LRCH1: variants seen among roughly 807,000 people sequenced by gnomAD.
LRCH1 encodes leucine-rich repeat and calponin homology domain-containing protein 1.
LRCH1 carries 23 observed loss-of-function variants against 94.9 expected under a neutral mutation model. The ratio of observed to expected loss-of-function variants is 0.24; its 90% CI spans 0.17 to 0.34. The LOEUF (loss-of-function observed/expected upper bound fraction) is 0.34, where lower values mean the gene tolerates loss of function less well. LRCH1 is among the 10% of genes least tolerant of loss of function. The pLI, the probability that LRCH1 is intolerant of heterozygous loss-of-function variation, is 1.00. For synonymous variants in LRCH1, 364 were observed against 354.9 expected (o/e 1.03, Z -0.29); for missense variants, 790 against 945.9 (o/e 0.84, Z 2.16).
At chr13:46,715,695 T>C in intron 16 of LRCH1, 31 bp downstream of exon 16, 1 of 1,352,374 alleles carries the variant, frequency 7.4e-7, no homozygotes, top group Non-Finnish European at 1.0e-6. Context: ...TCTCCAATGT[T>C]CTCATTAATA....
rs186928835 is a variant in LRCH1, at chr13:46,690,339, A to C, written c.1014+1143A>C. Among the ~76,000 whole-genome samples, 84 of 152,224 alleles carry C rather than the reference A, an allele frequency of 5.5e-4. No individual in the cohort carries two copies. The East Asian group carries it at 0.011, about 20-fold the overall frequency. ...GTGGGAGAGAGGGGATACTAAACAC[A>C]TTGCTTTAGTTGCATTTTAATTCAT... On this transcript the variant is annotated intron_variant, in intron 7 of 19. Coordinates refer to ENST00000389797, the MANE Select transcript of LRCH1 (RefSeq NM_001164211.2).
intron 17 of LRCH1, among the ~76,000 whole-genome samples, chr13:46,728,626 C>T (rs1872946280): frequency 6.6e-6 from 1 of 152,166 alleles, no homozygotes; most frequent in East Asian, 1.9e-4. Flanking sequence ...TCCATTCATT[C>T]TATTAAATAA....
intron 19 of LRCH1, among the ~76,000 whole-genome samples, chr13:46,734,861 A>G (rs1370355075): frequency 3.9e-5 from 6 of 152,216 alleles, no homozygotes; most frequent in Non-Finnish European, 8.8e-5. Context: ...TACATGCGAT[A>G]CTGTTTTGAG....
chr13:46,654,703 A>C (rs945424446), intron 2 of LRCH1, among the ~76,000 whole-genome samples: 1 of 152,226 alleles, frequency 6.6e-6, no homozygotes, highest in Non-Finnish European at 1.5e-5. Flanking sequence ...TTGAGCTCAC[A>C]CTTAAGGTAG....
intron 3 of LRCH1, among the ~76,000 whole-genome samples, chr13:46,677,695 CATG>C (rs1165975667): frequency 6.6e-6 from 1 of 152,168 alleles, no homozygotes; most frequent in Non-Finnish European, 1.5e-5. Context: ...TACCTAAAAA[CATG>C]ATGACCAGTG....
rs192481546 is a variant in LRCH1 at position 46,664,363 on chromosome 13, A to G, written c.453-4667A>G. 1.6e-4 allele frequency among the ~76,000 whole-genome samples: 25 copies of G among 152,378 alleles called. No homozygotes were observed. In the East Asian group the frequency reaches 4.4e-3, roughly 27 times the overall value. ...TATGGCGTAGTGACATAGGCGTTGT[A>G]GCCACATCTTAACATCTGAGCATAA... is the stretch of plus-strand genomic sequence containing the variant. On this transcript the variant is annotated intron_variant, in intron 2 of 19. Coordinates refer to ENST00000389797, the MANE Select transcript of LRCH1 (RefSeq NM_001164211.2).
intron 3 of LRCH1, among the ~76,000 whole-genome samples, chr13:46,677,331 AG>A (rs1478903458): frequency 6.6e-6 from 1 of 150,772 alleles, no homozygotes; most frequent in Middle Eastern, 3.2e-3. Context: ...TGGGAGACTG[AG>A]GCGGGAGAAT....
intron 1 of LRCH1, among the ~76,000 whole-genome samples, chr13:46,569,999 G>A (rs778323169): frequency 1.3e-5 from 2 of 152,064 alleles, no homozygotes; most frequent in Non-Finnish European, 2.9e-5. Context: ...GATTGAGTTG[G>A]TCCTTAATTG....
chr13:46,664,692 C>T (rs1234914929), intron 2 of LRCH1, among the ~76,000 whole-genome samples: 2 of 152,180 alleles, frequency 1.3e-5, no homozygotes, highest in African/African-American at 2.4e-5. Context: ...ATGGTCACCT[C>T]CTCGCTGCTT....
At chr13:46,632,285 G>C (rs1344988357) in intron 1 of LRCH1, among the ~76,000 whole-genome samples, 1 of 151,992 alleles carries the variant, frequency 6.6e-6, no homozygotes, top group African/African-American at 2.4e-5. Context: ...AATAATAGTT[G>C]ATGGCCATGA....
rs184463695 is a variant in LRCH1 at position 46,723,260 on chromosome 13, C to T, written c.1799C>T (p.Pro600Leu). The T allele has an allele frequency of 2.9e-5, 46 of 1,613,660 alleles. No individual in the cohort carries two copies. The highest frequency in any genetic ancestry group is 3.3e-5 in the Non-Finnish European group (39 of 1,179,726). Residue 600 changes from proline to leucine, a missense_variant, in exon 17 of 20, where the codon CCG becomes CTG. Around this residue, in one of 3 missense-constraint regions of LRCH1, gnomAD observed 460 missense variants for 508.9 expected, o/e 0.90. Transcript: ENST00000389797. ...RPQRNLESIDPQFTIRRKMEQ... is the reference protein window; with the variant it reads ...RPQRNLESIDLQFTIRRKMEQ... ...CAGAGAAATTTGGAATCTATAGACC[C>T]GCAGTTTACAATCCGGAGGAAAATG...
At chr13:46,641,519 T>A (rs2051157401) in intron 1 of LRCH1, among the ~76,000 whole-genome samples, 2 of 152,214 alleles carry the variant, frequency 1.3e-5, no homozygotes, top group Admixed American at 1.3e-4. Context: ...AAAGTAAATT[T>A]CCACGATAAC....
chr13:46,639,692 C>T (rs928946572), intron 1 of LRCH1, among the ~76,000 whole-genome samples: 4 of 152,120 alleles, frequency 2.6e-5, no homozygotes, highest in Non-Finnish European at 5.9e-5. Context: ...GAAGATGGTC[C>T]GACACACACC....
Position 46,601,064 on chromosome 13 carries a change from A to G in LRCH1, c.307+47361A>G, listed in dbSNP as rs535217235. Among the ~76,000 whole-genome samples, 4 of 152,364 alleles carry G rather than the reference A, an allele frequency of 2.6e-5. No homozygotes were observed. The South Asian group carries it at 8.3e-4, about 32-fold the overall frequency. On this transcript the variant is annotated intron_variant, in intron 1 of 19. Transcript: ENST00000389797. ...GGAACTCAGCAGTATGGGAATCACA[A>G]GCCAACCCACCCTATCCGTTAAAGG...
chr13:46,559,939 A>G (rs9567703), intron 1 of LRCH1, among the ~76,000 whole-genome samples: 30,977 of 152,004 alleles, frequency 0.2, 4,965 homozygotes, highest in African/African-American at 0.45. Flanking sequence ...TGGCATAATA[A>G]CTCTTTGTAA....
At chr13:46,596,444 A>G (rs751060744) in intron 1 of LRCH1, among the ~76,000 whole-genome samples, 1 of 152,238 alleles carries the variant, frequency 6.6e-6, no homozygotes, top group Non-Finnish European at 1.5e-5. Flanking sequence ...TATGTCTGTC[A>G]GATGTTTCCA....
At chr13:46,560,210 C>T (rs1335817485) in intron 1 of LRCH1, among the ~76,000 whole-genome samples, 1 of 145,278 alleles carries the variant, frequency 6.9e-6, no homozygotes, top group Non-Finnish European at 1.5e-5. Context: ...CATAATTTCC[C>T]TTCAGGTGTG....
At position 46,629,105 on chromosome 13, in the gene LRCH1, T is replaced by A. The variant is rs575394595; in HGVS notation, c.308-21096T>A. On this transcript the variant is annotated intron_variant, in intron 1 of 19. Coordinates refer to ENST00000389797, the MANE Select transcript of LRCH1 (RefSeq NM_001164211.2). ...GCCTTTCCCAAGAACTTTAATGCCA[T>A]CTTCCTAGCAAGCTATAGAAAACAT... Among the ~76,000 whole-genome samples, 12 of 152,310 alleles carry A rather than the reference T, an allele frequency of 7.9e-5. No homozygotes were observed. The South Asian group carries it at 2.1e-3, about 26-fold the overall frequency.
chr13:46,665,812 T>C (rs1384160601), intron 2 of LRCH1, among the ~76,000 whole-genome samples: 1 of 152,186 alleles, frequency 6.6e-6, no homozygotes, highest in African/African-American at 2.4e-5. Context: ...GGATAGTGGA[T>C]TGTGGCCTGA....
Sources: gnomAD v4.1 joint callset for allele counts (sites outside exome capture counted in the v4.1 genomes callset) on GRCh38, gnomAD v4.1.1 for gene constraint, gnomAD v4.1.1 regional missense constraint, MANE v1.5 for transcripts, NCBI Gene and HGNC (gene_info 2026-07-23, HGNC 2026-07-21) for gene names.